Variants in ZNF804A observed in about 807,000 individuals in gnomAD.
The protein encoded by ZNF804A is zinc finger protein 804A.
A neutral mutation model predicts 16.5 loss-of-function variants in ZNF804A; 2 were observed. The observed-to-expected ratio is 0.12, with a 90% confidence interval of 0.05 to 0.38. The LOEUF (loss-of-function observed/expected upper bound fraction) is 0.38. Ranked by LOEUF, ZNF804A falls within the 10% of genes least tolerant of loss-of-function variation. The probability of loss-of-function intolerance (pLI) is 0.99; values close to 1 mark genes in which losing one functional copy is unlikely to be tolerated. For synonymous variants in ZNF804A, 534 were observed against 489.6 expected, an observed-to-expected ratio of 1.09 and a Z score of -1.20; for missense variants, 1,473 against 1,390.7, an observed-to-expected ratio of 1.06 and a Z score of -0.94.
intron 1 of ZNF804A, among the ~76,000 whole-genome samples, chr2:184,837,867 C>T (rs7577657): frequency 0.064 from 9,801 of 152,116 alleles, 1,070 homozygotes; most frequent in African/African-American, 0.22. Flanking sequence ...CCAGTGGAAG[C>T]CTTCTCAGTG....
intron 1 of ZNF804A, among the ~76,000 whole-genome samples, chr2:184,606,152 C>T (rs763482709): frequency 2.0e-5 from 3 of 152,108 alleles, no homozygotes; most frequent in Non-Finnish European, 2.9e-5. Flanking sequence ...GTGTCACCTA[C>T]AATAGTAGCA....
rs552302059 is a variant in ZNF804A at position 184,653,381 on chromosome 2, G to A, written c.111+54311G>A. 6.6e-5 allele frequency among the ~76,000 whole-genome samples: 10 copies of A among 152,196 alleles called. No individual in the cohort carries two copies. In the South Asian group the frequency reaches 1.7e-3, roughly 25 times the overall value. ...GGTGAATTTCTGAGTTACCAGTGGC[G>A]AATCCATATGGGTCTGCAGCAACAT... On this transcript the variant is annotated intron_variant, in intron 1 of 3. Transcript: ENST00000302277.
Position 184,938,544 on chromosome 2 carries a change from G to C in ZNF804A, c.3148G>C (p.Glu1050Gln). 1 of 1,614,054 alleles carries C rather than the reference G, an allele frequency of 6.2e-7. No individual in the cohort carries two copies. Among genetic ancestry groups the C allele is most frequent in the East Asian group, 2.2e-5 (1 of 44,850 alleles). The change falls in exon 4 of 4, where the codon GAG becomes CAG. Residue 1050 changes from glutamate to glutamine, a missense_variant. Physicochemically the swap from Glu to Gln is conservative, Grantham distance 29. Coordinates refer to ENST00000302277, the MANE Select transcript of ZNF804A (RefSeq NM_194250.2). ...TGACAAATTCAAAAATGTACCATGTGAGGTCTACCAGCACATTCTGCAGCC... is the reference window on the plus strand; with the variant it reads ...TGACAAATTCAAAAATGTACCATGTCAGGTCTACCAGCACATTCTGCAGCC... ...NHDKFKNVPCEVYQHILQPNM... is the reference protein window; with the variant it reads ...NHDKFKNVPCQVYQHILQPNM...
intron 1 of ZNF804A, among the ~76,000 whole-genome samples, chr2:184,695,203 T>G (rs1692811052): frequency 6.6e-6 from 1 of 152,136 alleles, no homozygotes; most frequent in Non-Finnish European, 1.5e-5. Flanking sequence ...GGCTCACGCC[T>G]GTAATCCCAG....
chr2:184,625,612 T>G (rs1255271251), intron 1 of ZNF804A, among the ~76,000 whole-genome samples: 1 of 152,178 alleles, frequency 6.6e-6, no homozygotes, highest in Admixed American at 6.5e-5. Flanking sequence ...GAATATATTT[T>G]CATAAATCTT....
chr2:184,667,403 G>A (rs1423224543), intron 1 of ZNF804A, among the ~76,000 whole-genome samples: 4 of 151,826 alleles, frequency 2.6e-5, no homozygotes, highest in Non-Finnish European at 5.9e-5. Flanking sequence ...ATTTGACCTA[G>A]TTAGCCAGAA....
At chr2:184,888,159 A>G (rs1352383329) in intron 2 of ZNF804A, among the ~76,000 whole-genome samples, 1 of 152,214 alleles carries the variant, frequency 6.6e-6, no homozygotes, top group Non-Finnish European at 1.5e-5. Context: ...AAATTTTACT[A>G]TGTAAAAATA....
At chr2:184,619,302 T>C (rs1181056820) in intron 1 of ZNF804A, among the ~76,000 whole-genome samples, 2 of 152,090 alleles carry the variant, frequency 1.3e-5, no homozygotes. Context: ...TAGAAGCTTT[T>C]ATTTAAAAAT....
chr2:184,677,864 A>G (rs959063812), intron 1 of ZNF804A, among the ~76,000 whole-genome samples: 1 of 151,928 alleles, frequency 6.6e-6, no homozygotes, highest in Admixed American at 6.6e-5. Flanking sequence ...TCCTGTTTCT[A>G]TTGGAATTCG....
intron 1 of ZNF804A, among the ~76,000 whole-genome samples, chr2:184,727,532 A>G (rs963872372): frequency 6.6e-6 from 1 of 151,660 alleles, no homozygotes; most frequent in Non-Finnish European, 1.5e-5. Context: ...TGTATAAGAT[A>G]CATTTGATTT....
chr2:184,929,989 T>G (rs1423099128), intron 2 of ZNF804A, among the ~76,000 whole-genome samples: 4 of 152,172 alleles, frequency 2.6e-5, no homozygotes, highest in Admixed American at 2.6e-4. Context: ...GTATGTTCAC[T>G]CCTTATTTCT....
chr2:184,898,245 A>C lies in ZNF804A; in HGVS notation c.255+31733A>C, dbSNP rs192383997. Among the ~76,000 whole-genome samples the C allele has an allele frequency of 5.4e-4, 82 of 152,264 alleles. 1 individual carries two copies. The highest frequency in any genetic ancestry group is 4.4e-4 in the Non-Finnish European group (30 of 67,978). ...TATGGGCTTTTGTGATTCTATCTGCACATAAGTGAGTTATATTCTCATACT... is the reference window on the plus strand; with the variant it reads ...TATGGGCTTTTGTGATTCTATCTGCCCATAAGTGAGTTATATTCTCATACT... On this transcript the variant is annotated intron_variant, in intron 2 of 3. Coordinates refer to ENST00000302277, the MANE Select transcript of ZNF804A (RefSeq NM_194250.2).
At chr2:184,766,440 T>C (rs1694128253) in intron 1 of ZNF804A, among the ~76,000 whole-genome samples, 1 of 152,026 alleles carries the variant, frequency 6.6e-6, no homozygotes, top group Admixed American at 6.6e-5. Context: ...AAATGATAGT[T>C]TTTTTCTTTT....
At chr2:184,778,997 A>G (rs1056010416) in intron 1 of ZNF804A, among the ~76,000 whole-genome samples, 1 of 151,762 alleles carries the variant, frequency 6.6e-6, no homozygotes, top group Non-Finnish European at 1.5e-5. Flanking sequence ...GAAATTAGTA[A>G]ATTTAATAAA....
chr2:184,761,364 A>C (rs750680447), intron 1 of ZNF804A, among the ~76,000 whole-genome samples: 1 of 152,098 alleles, frequency 6.6e-6, no homozygotes, highest in Non-Finnish European at 1.5e-5. Flanking sequence ...TTTCAGGATA[A>C]ATTTGTAAAT....
At chr2:184,671,220 G>A (rs1692335362) in intron 1 of ZNF804A, among the ~76,000 whole-genome samples, 1 of 152,132 alleles carries the variant, frequency 6.6e-6, no homozygotes, top group Non-Finnish European at 1.5e-5. Flanking sequence ...CACCATCTGT[G>A]TAGACATTAT....
intron 1 of ZNF804A, among the ~76,000 whole-genome samples, chr2:184,839,336 TA>T: frequency 6.6e-6 from 1 of 152,240 alleles, no homozygotes; most frequent in Middle Eastern, 3.4e-3. Flanking sequence ...ATCATTACAT[TA>T]AAATTAAGTT....
chr2:184,682,601 T>C (rs1692560941), intron 1 of ZNF804A, among the ~76,000 whole-genome samples: 1 of 152,166 alleles, frequency 6.6e-6, no homozygotes. Flanking sequence ...AAATAGGCAA[T>C]TGTAGTACAG....
intron 1 of ZNF804A, among the ~76,000 whole-genome samples, chr2:184,729,690 AT>A (rs1693480843): frequency 6.6e-6 from 1 of 152,096 alleles, no homozygotes; most frequent in African/African-American, 2.4e-5. Context: ...TGTAGAAATC[AT>A]TTTGTTACTG....
Sources: gnomAD v4.1 joint callset for allele counts (sites outside exome capture counted in the v4.1 genomes callset) on GRCh38, gnomAD v4.1.1 for gene constraint, MANE v1.5 for transcripts, NCBI Gene and HGNC (gene_info 2026-07-23, HGNC 2026-07-21) for gene names.